Variants in LDB3 observed in about 807,000 individuals in gnomAD.
LDB3 encodes the protein LIM domain-binding protein 3.
In LDB3, 49 loss-of-function variants were observed where a neutral mutation model predicts 69.0. That is an observed-to-expected ratio of 0.71 (90% CI 0.56 to 0.90). The LOEUF is 0.90. Among genes scored for constraint, LDB3 ranks in the 40% least tolerant of loss-of-function variants. The pLI is 0.00. For synonymous variants in LDB3, 387 were observed against 396.2 expected (o/e 0.98, Z 0.28); for missense variants, 928 against 974.1 (o/e 0.95, Z 0.63).
chr10:86,680,215 C>T (rs1845036619), intron 4 of LDB3, 58 bp downstream of exon 4: 1 of 1,490,288 alleles, frequency 6.7e-7, no homozygotes, highest in Non-Finnish European at 9.3e-7. Context: ...AGTGCTGGCC[C>T]TGGCCAGCCT....
chr10:86,717,741 A>T (rs1281043403), intron 10 of LDB3, among the ~76,000 whole-genome samples: 1 of 152,216 alleles, frequency 6.6e-6, no homozygotes, highest in African/African-American at 2.4e-5. Flanking sequence ...CCAGTCCCCT[A>T]TTGGTAGATG....
intron 2 of LDB3, among the ~76,000 whole-genome samples, chr10:86,670,751 G>A (rs1195152227): frequency 3.3e-5 from 5 of 152,230 alleles, no homozygotes; most frequent in African/African-American, 7.2e-5. Context: ...CCGGGGGATG[G>A]GCATGATATG....
In LDB3 at chr10:86,732,003, C is replaced by CTTTTTTTTTTTTTTTTTTTTTTTTTTTT. The variant is rs755552822; in HGVS notation, c.2095-879_2095-878insTTTTTTTTTTTTTTTTTTTTTTTTTTTT. Among the ~76,000 whole-genome samples the CTTTTTTTTTTTTTTTTTTTTTTTTTTTT allele has an allele frequency of 1.6e-5, 2 of 123,222 alleles. 1 individual carries two copies. The highest frequency in any genetic ancestry group is 6.4e-5 in the African/African-American group (2 of 31,260). 80.8% of individuals were successfully genotyped at this position (123,222 alleles called of 152,430 possible). The stretch of plus-strand genomic sequence containing the variant: ...TTAACTAATTTTCTTTTCTTTCTTT[C>CTTTTTTTTTTTTTTTTTTTTTTTTTTTT]TTTTTCTTTTTTTTTTTTTTTGGTA... On this transcript the variant is annotated intron_variant, in intron 13 of 13. Coordinates refer to ENST00000361373, the MANE Select transcript of LDB3 (RefSeq NM_007078.3).
intron 3 of LDB3, 88 bp from the exon 4 acceptor site, chr10:86,679,994 T>A (rs964120134): frequency 8.5e-7 from 1 of 1,172,958 alleles, no homozygotes; most frequent in African/African-American, 1.5e-5. Context: ...TGGCTCTCTC[T>A]TGCTCTCTCC....
At chr10:86,719,738 C>T (rs981394536) in intron 12 of LDB3, among the ~76,000 whole-genome samples, 10 of 152,162 alleles carry the variant, frequency 6.6e-5, no homozygotes, top group Non-Finnish European at 1.0e-4. Flanking sequence ...TGTAATCTCA[C>T]GGAGTGAATT....
At position 86,699,403 on chromosome 10, in the gene LDB3, C is replaced by A. The variant is rs371412193; in HGVS notation, c.896+6832C>A. 2.5e-6 allele frequency: 4 copies of A among 1,613,048 alleles called. No individual in the cohort carries two copies. The highest frequency in any genetic ancestry group is 3.4e-6 in the Non-Finnish European group (4 of 1,179,650). ...GCTGCCTGGAATCCCCCCACCCCAA[C>A]AGGCTGGACTCCCTCCATCCTTACC... On this transcript the variant is annotated intron_variant, in intron 7 of 13. Coordinates refer to ENST00000361373, the MANE Select transcript of LDB3 (RefSeq NM_007078.3). The surrounding 1 kb of genome is among the most constrained non-coding windows in gnomAD (Gnocchi z 4.9).
At chr10:86,697,183 G>A (rs1347900815) in intron 7 of LDB3, among the ~76,000 whole-genome samples, 1 of 144,878 alleles carries the variant, frequency 6.9e-6, no homozygotes, top group African/African-American at 2.6e-5. Flanking sequence ...ACTTAAAGTT[G>A]CTCTTCCTGA....
chr10:86,695,116 C>A (rs975294417), intron 7 of LDB3, among the ~76,000 whole-genome samples: 1 of 147,848 alleles, frequency 6.8e-6, no homozygotes, highest in Non-Finnish European at 1.5e-5. Flanking sequence ...CAGTCTTATG[C>A]CCATGCAAAG....
Position 86,687,137 on chromosome 10 carries a change from T to A in LDB3, c.690-4759T>A. The A allele has an allele frequency of 1.2e-6, 2 of 1,614,106 alleles. No homozygotes were observed. Among genetic ancestry groups the A allele is most frequent in the Non-Finnish European group, 1.7e-6 (2 of 1,180,022 alleles). On this transcript the variant is annotated intron_variant, in intron 5 of 13. Transcript: ENST00000361373. ...TCGGCCCTGTCCACCCACAAGCCCA[T>A]CGAGGTGAAGGGGCTGGGCGGCAAG...
intron 7 of LDB3, among the ~76,000 whole-genome samples, chr10:86,693,639 T>C (rs1421781590): frequency 6.6e-6 from 1 of 152,262 alleles, no homozygotes; most frequent in Non-Finnish European, 1.5e-5. Context: ...AAGGATGGCA[T>C]GCAGTCCCAA....
chr10:86,686,578 T>G (rs1986383), intron 5 of LDB3, among the ~76,000 whole-genome samples: 96,283 of 151,740 alleles, frequency 0.63, 31,805 homozygotes, highest in Non-Finnish European at 0.75. Context: ...CACTGTGAGA[T>G]GCCAAGGCAG....
chr10:86,681,485 C>T lies in LDB3; in HGVS notation c.371C>T (p.Pro124Leu), dbSNP rs757700365. 1 of 1,608,966 alleles carries T rather than the reference C, an allele frequency of 6.2e-7. No individual in the cohort carries two copies. The highest frequency in any genetic ancestry group is 1.3e-5 in the African/African-American group (1 of 74,930). Reference protein sequence around the residue: ...NGSLVAPSPSPEARASPGTPG... With the variant: ...NGSLVAPSPSLEARASPGTPG... Reference sequence around the variant, plus strand: ...AGCCTGGTGGCACCCAGCCCCAGCCCTGAGGCGAGGGCCAGCCCAGGCACC... The same window carrying T: ...AGCCTGGTGGCACCCAGCCCCAGCCTTGAGGCGAGGGCCAGCCCAGGCACC... Residue 124 changes from proline to leucine, a missense_variant, in exon 5 of 14, where the codon CCT (proline) becomes CTT (leucine). Transcript: ENST00000361373.
intron 5 of LDB3, among the ~76,000 whole-genome samples, chr10:86,690,490 C>T (rs1284913288): frequency 6.6e-6 from 1 of 152,252 alleles, no homozygotes; most frequent in Non-Finnish European, 1.5e-5. Flanking sequence ...CTATAGCTCT[C>T]TGGGCCAGGG....
intron 2 of LDB3, among the ~76,000 whole-genome samples, chr10:86,669,265 G>A (rs182511854): frequency 6.6e-6 from 1 of 152,330 alleles, no homozygotes; most frequent in Admixed American, 6.5e-5. Context: ...CTGTCAGAGT[G>A]TGGGGCTGGG....
intron 5 of LDB3, among the ~76,000 whole-genome samples, chr10:86,688,540 G>C (rs1564640530): frequency 6.6e-6 from 1 of 152,182 alleles, no homozygotes. Flanking sequence ...AAACTCCCAA[G>C]GCTCAGGGCT....
At chr10:86,722,692 A>T (rs180853377) in intron 12 of LDB3, among the ~76,000 whole-genome samples, 1 of 143,892 alleles carries the variant, frequency 6.9e-6, no homozygotes, top group East Asian at 2.2e-4. Flanking sequence ...TCAGCCTCCC[A>T]AGTAGCTGGG....
chr10:86,686,817 A>AAAAG, intron 5 of LDB3, among the ~76,000 whole-genome samples: 1 of 151,432 alleles, frequency 6.6e-6, no homozygotes. Context: ...AAAAAAAAAA[A>AAAAG]AAAAGAAAGA....
intron 9 of LDB3, among the ~76,000 whole-genome samples, chr10:86,715,581 A>C (rs1240084556): frequency 3.9e-5 from 6 of 152,142 alleles, no homozygotes; most frequent in Non-Finnish European, 7.4e-5. Flanking sequence ...ACAGTCACTC[A>C]GACACACTCT....
chr10:86,672,721 G>A (rs374131328), intron 2 of LDB3, among the ~76,000 whole-genome samples: 3 of 152,326 alleles, frequency 2.0e-5, no homozygotes, highest in South Asian at 4.1e-4. Context: ...CAGGTCCTCC[G>A]GGCTGCTCAG....
Sources: allele counts gnomAD v4.1 joint callset (sites outside exome capture counted in the v4.1 genomes callset), GRCh38; gene constraint gnomAD v4.1.1; non-coding constraint Gnocchi (gnomAD v3.1); transcripts MANE v1.5; gene names NCBI Gene and HGNC (gene_info 2026-07-23, HGNC 2026-07-21).